The following FLT1 variants were observed in gnomAD, a reference collection of about 807,000 sequenced individuals.
The protein encoded by FLT1 is vascular endothelial growth factor receptor 1.
A neutral mutation model predicts 156.3 loss-of-function variants in FLT1; 49 were observed. The ratio of observed to expected loss-of-function variants is 0.31; its 90% CI spans 0.25 to 0.40. The LOEUF is 0.40. Ranked by LOEUF, FLT1 falls within the 10% of genes least tolerant of loss-of-function variation. The pLI, the probability that FLT1 is intolerant of heterozygous loss-of-function variation, is 1.00. For synonymous variants in FLT1, 594 were observed against 583.8 expected (o/e 1.02, Z -0.25); for missense variants, 1,322 against 1,637.2 (o/e 0.81, Z 3.32).
intron 3 of FLT1, among the ~76,000 whole-genome samples, chr13:28,450,555 G>A (rs75071980): frequency 0.039 from 5,905 of 151,882 alleles, 347 homozygotes; most frequent in African/African-American, 0.13. Context: ...GAGAAAAGAA[G>A]GAAGGAGAGA....
Position 28,426,730 on chromosome 13 carries a change from G to A in FLT1, c.1436+429C>T, listed in dbSNP as rs1200540431. On this transcript the variant is annotated intron_variant, in intron 10 of 29. Coordinates refer to ENST00000282397, the MANE Select transcript of FLT1 (RefSeq NM_002019.4). ...ATGGAAGAGCAAAGCCCAAAAGTAG[G>A]AAACATAGTGATCACTGGTGTTGGG... 2.0e-5 allele frequency among the ~76,000 whole-genome samples: 3 copies of A among 152,162 alleles called. No homozygotes were observed. In the East Asian group the frequency reaches 5.8e-4, roughly 29 times the overall value.
chr13:28,379,749 C>CA (rs1170990189), intron 14 of FLT1, among the ~76,000 whole-genome samples: 1 of 152,190 alleles, frequency 6.6e-6, no homozygotes, highest in African/African-American at 2.4e-5. Flanking sequence ...TGCCCTTTGG[C>CA]TCAAGAATTT....
chr13:28,318,981 C>T (rs924063528), intron 24 of FLT1, among the ~76,000 whole-genome samples: 1 of 152,214 alleles, frequency 6.6e-6, no homozygotes, highest in Non-Finnish European at 1.5e-5. Context: ...TCTCCTGTTT[C>T]TAACAACACC....
chr13:28,416,291 T>C (rs2387634), intron 10 of FLT1, among the ~76,000 whole-genome samples: 127,205 of 152,166 alleles, frequency 0.84, 54,165 homozygotes, highest in East Asian at 1. Context: ...CTATGTTGCA[T>C]CTCTTGATGT....
intron 25 of FLT1, 80 bp from the exon 26 acceptor site, chr13:28,312,178 G>A (rs1871033501): frequency 1.1e-6 from 1 of 896,500 alleles, no homozygotes; most frequent in South Asian, 1.3e-5. Context: ...CAAAGGGAGG[G>A]CTGTCATCAT....
At chr13:28,386,355 A>G (rs11618105) in intron 13 of FLT1, 1 of 1,003,900 alleles carries the variant, frequency 1.0e-6, no homozygotes. Flanking sequence ...TTGAAGTAGT[A>G]TATCATGGCA....
At chr13:28,451,097 G>A (rs2137586020) in intron 3 of FLT1, among the ~76,000 whole-genome samples, 1 of 152,284 alleles carries the variant, frequency 6.6e-6, no homozygotes, top group East Asian at 1.9e-4. Flanking sequence ...AAGGTGCTGA[G>A]GACTTTTTAG....
At chr13:28,423,644 T>C (rs1369213823) in intron 10 of FLT1, among the ~76,000 whole-genome samples, 1 of 152,244 alleles carries the variant, frequency 6.6e-6, no homozygotes, top group Non-Finnish European at 1.5e-5. Flanking sequence ...ACTTTCTAAA[T>C]ACATTACCTC....
intron 25 of FLT1, among the ~76,000 whole-genome samples, chr13:28,312,882 A>G (rs1871060678): frequency 6.6e-6 from 1 of 152,222 alleles, no homozygotes; most frequent in Admixed American, 6.5e-5. Flanking sequence ...ATTTGTCTTA[A>G]TAGCACAGAG....
At chr13:28,410,990 A>G (rs1876132373) in intron 10 of FLT1, among the ~76,000 whole-genome samples, 1 of 152,112 alleles carries the variant, frequency 6.6e-6, no homozygotes, top group African/African-American at 2.4e-5. Flanking sequence ...TCTGGCTCAG[A>G]GTCACCTGTT....
In FLT1 at chr13:28,384,945, C is replaced by CA. The variant is rs1250014138; in HGVS notation, c.2055dup (p.Gly686TrpfsTer11). ...CAAGTGATCTGAGGCTCGGGGACACCATTAGCATGACAGTCTAAAGTGGTG... is the reference window on the plus strand; with the variant it reads ...CAAGTGATCTGAGGCTCGGGGACACCAATTAGCATGACAGTCTAAAGTGGTG... On this transcript the variant is annotated frameshift_variant, in exon 14 of 30. Coordinates refer to ENST00000282397, the MANE Select transcript of FLT1 (RefSeq NM_002019.4). LOFTEE classifies it high-confidence loss of function. 1.2e-6 allele frequency: 2 copies of CA among 1,613,948 alleles called. No individual in the cohort carries two copies. Among genetic ancestry groups the CA allele is most frequent in the African/African-American group, 1.3e-5 (1 of 74,912 alleles).
At chr13:28,451,749 TC>T (rs1878954749) in intron 3 of FLT1, among the ~76,000 whole-genome samples, 1 of 152,192 alleles carries the variant, frequency 6.6e-6, no homozygotes, top group African/African-American at 2.4e-5. Flanking sequence ...GGGCTCAGCT[TC>T]CTCATCTGGA....
Position 28,482,180 on chromosome 13 carries a change from G to A in FLT1, c.64+12600C>T, listed in dbSNP as rs139364404. On this transcript the variant is annotated intron_variant, in intron 1 of 29. Transcript: ENST00000282397. ...GGAGAAAATACAGACCTCGCCGGGTGTGGTGGCTCACGCCTGTAATCCCAA... is the reference window on the plus strand; with the variant it reads ...GGAGAAAATACAGACCTCGCCGGGTATGGTGGCTCACGCCTGTAATCCCAA... Among the ~76,000 whole-genome samples, 413 of 152,296 alleles carry A rather than the reference G, an allele frequency of 2.7e-3. 2 individuals carry two copies. Among genetic ancestry groups the A allele is most frequent in the Non-Finnish European group, 4.6e-3 (312 of 68,026 alleles).
intron 14 of FLT1, among the ~76,000 whole-genome samples, chr13:28,380,223 G>T (rs1030340721): frequency 2.0e-5 from 3 of 152,118 alleles, no homozygotes; most frequent in Non-Finnish European, 2.9e-5. Flanking sequence ...TTTCAGTTTT[G>T]CAACAATTGG....
intron 12 of FLT1, among the ~76,000 whole-genome samples, chr13:28,395,385 TATGGTAACTGTGAGCC>T (rs1430941017): frequency 6.6e-6 from 1 of 152,196 alleles, no homozygotes; most frequent in African/African-American, 2.4e-5. Flanking sequence ...CACTGTCCAA[TATGGTAACTGTGAGCC>T]ACATGTGGCT....
chr13:28,306,701 T>A lies in FLT1; in HGVS notation c.3792A>T (p.Lys1264Asn). Residue 1264 changes from lysine to asparagine, a missense_variant, in exon 29 of 30, where the codon AAA (lysine) becomes AAT (asparagine). By Grantham distance (94) the Lys-to-Asn change is moderately conservative. Coordinates refer to ENST00000282397, the MANE Select transcript of FLT1 (RefSeq NM_002019.4). ...MLKRFTWTDS[K>N]PKASLKIDLR... ...ACTCAATCTTGAGCGAGGCCTTGGG[T>A]TTGCTGTCAGTCCAGGTGAAGCGCT... 1.2e-6 allele frequency: 2 copies of A among 1,613,584 alleles called. No homozygotes were observed. The highest frequency in any genetic ancestry group is 1.7e-6 in the Non-Finnish European group (2 of 1,179,620).
chr13:28,455,427 TACAA>T (rs780493150), intron 3 of FLT1, among the ~76,000 whole-genome samples: 8 of 152,204 alleles, frequency 5.3e-5, no homozygotes, highest in Admixed American at 1.3e-4. Context: ...GGCATCTGCA[TACAA>T]ACAAACAAAC....
intron 3 of FLT1, among the ~76,000 whole-genome samples, chr13:28,460,379 A>G (rs1202581234): frequency 6.6e-6 from 1 of 152,142 alleles, no homozygotes; most frequent in African/African-American, 2.4e-5. Flanking sequence ...GGGGGACTTC[A>G]CAATTGCAGG....
At chr13:28,427,113 T>A (rs1877389356) in intron 10 of FLT1, 46 bp downstream of exon 10, 2 of 1,539,188 alleles carry the variant, frequency 1.3e-6, no homozygotes, top group South Asian at 2.2e-5. Flanking sequence ...TAATTCCAGG[T>A]GTCAAAAAGT....
Sources: gnomAD v4.1 joint callset for allele counts (sites outside exome capture counted in the v4.1 genomes callset) on GRCh38, gnomAD v4.1.1 for gene constraint, MANE v1.5 for transcripts, NCBI Gene and HGNC (gene_info 2026-07-23, HGNC 2026-07-21) for gene names.